SESTD1: variants seen among roughly 807,000 people sequenced by gnomAD.
The protein encoded by SESTD1 is SEC14 and spectrin domain containing 1, also known as SEC14 domain and spectrin repeat-containing protein 1.
In SESTD1, 43 loss-of-function variants were observed where a neutral mutation model predicts 101.7. The ratio of observed to expected loss-of-function variants is 0.42; its 90% CI spans 0.33 to 0.55. SESTD1 has a LOEUF of 0.55. Ranked by LOEUF, SESTD1 falls within the 20% of genes least tolerant of loss-of-function variation. The pLI is 0.07. For missense variants in SESTD1, 647 were observed against 815.1 expected (o/e 0.79, Z 2.51); for synonymous variants, 283 against 286.8 (o/e 0.99, Z 0.13).
chr2:179,171,361 C>A (rs2045927404), intron 5 of SESTD1, among the ~76,000 whole-genome samples: 1 of 152,218 alleles, frequency 6.6e-6, no homozygotes, highest in East Asian at 1.9e-4. Context: ...CAAAAATACA[C>A]TGATATTGAC....
At chr2:179,176,027 T>C (rs1029185795) in intron 4 of SESTD1, among the ~76,000 whole-genome samples, 13 of 152,144 alleles carry the variant, frequency 8.5e-5, no homozygotes, top group East Asian at 3.9e-4. Context: ...CATGCCAGAA[T>C]CACCTGAGAA....
intron 1 of SESTD1, among the ~76,000 whole-genome samples, chr2:179,261,672 C>T (rs1443183538): frequency 6.6e-6 from 1 of 151,988 alleles, no homozygotes; most frequent in Non-Finnish European, 1.5e-5. Flanking sequence ...AAATGGAACC[C>T]TCATTGCTAC....
chr2:179,197,630 C>A (rs1363653252), intron 1 of SESTD1, among the ~76,000 whole-genome samples: 1 of 152,208 alleles, frequency 6.6e-6, no homozygotes, highest in Non-Finnish European at 1.5e-5. Context: ...ACTCTACAAG[C>A]CAGAAGAGAG....
At position 179,145,955 on chromosome 2, in the gene SESTD1, TAAGA is replaced by T. The variant is rs532766674; in HGVS notation, c.637+443_637+446del. Among the ~76,000 whole-genome samples, 1,089 of 151,862 alleles carry T rather than the reference TAAGA, an allele frequency of 7.2e-3. 4 individuals carry two copies. The highest frequency in any genetic ancestry group is 0.011 in the Non-Finnish European group (772 of 67,988). ...TATAGATAATAAATTAAATCCAAAT[TAAGA>T]GAGAGATTATTATTAATTTTTAAAA... is the stretch of plus-strand genomic sequence containing the variant. On this transcript the variant is annotated intron_variant, in intron 8 of 17. Coordinates refer to ENST00000428443, the MANE Select transcript of SESTD1 (RefSeq NM_178123.5).
intron 14 of SESTD1, 133 bp from the exon 15 acceptor site, chr2:179,116,923 ATT>A: frequency 8.3e-7 from 1 of 1,211,556 alleles, no homozygotes; most frequent in Non-Finnish European, 1.1e-6. Context: ...TTAAAAGCTT[ATT>A]TCATTCAATG....
chr2:179,169,005 C>A (rs1442611406), intron 5 of SESTD1, among the ~76,000 whole-genome samples: 1 of 151,792 alleles, frequency 6.6e-6, no homozygotes, highest in African/African-American at 2.4e-5. Context: ...AATTACAAGC[C>A]AATAACGGAG....
At chr2:179,181,484 A>G (rs1357174056) in intron 3 of SESTD1, among the ~76,000 whole-genome samples, 2 of 152,176 alleles carry the variant, frequency 1.3e-5, no homozygotes, top group Non-Finnish European at 2.9e-5. Context: ...AGTAACTTTG[A>G]CAATTAGGAG....
At chr2:179,143,387 A>G (rs149212442) in intron 9 of SESTD1, among the ~76,000 whole-genome samples, 1 of 152,328 alleles carries the variant, frequency 6.6e-6, no homozygotes, top group Non-Finnish European at 1.5e-5. Flanking sequence ...CACTAAGCTG[A>G]ATGCTCAATG....
At chr2:179,110,517 A>G (rs1280471356) in intron 17 of SESTD1, among the ~76,000 whole-genome samples, 1 of 152,232 alleles carries the variant, frequency 6.6e-6, no homozygotes, top group Non-Finnish European at 1.5e-5. Flanking sequence ...GAATCACAGA[A>G]TATTTTTAGA....
chr2:179,118,484 G>A (rs758615478), intron 13 of SESTD1, among the ~76,000 whole-genome samples: 1 of 152,008 alleles, frequency 6.6e-6, no homozygotes, highest in Non-Finnish European at 1.5e-5. Context: ...ACCAGACACT[G>A]TGCTCTACTA....
intron 1 of SESTD1, among the ~76,000 whole-genome samples, chr2:179,228,525 C>T (rs2046925433): frequency 6.6e-6 from 1 of 152,120 alleles, no homozygotes; most frequent in African/African-American, 2.4e-5. Context: ...GAACTAGGGA[C>T]TCATCCTACA....
chr2:179,244,533 G>A (rs2047203262), intron 1 of SESTD1, among the ~76,000 whole-genome samples: 1 of 150,372 alleles, frequency 6.7e-6, no homozygotes, highest in Middle Eastern at 3.2e-3. Context: ...AAGTGATGAA[G>A]CAAGACTATC....
At chr2:179,134,296 A>G (rs2045086903) in intron 9 of SESTD1, among the ~76,000 whole-genome samples, 1 of 152,198 alleles carries the variant, frequency 6.6e-6, no homozygotes, top group Non-Finnish European at 1.5e-5. Flanking sequence ...ACTTAGCATT[A>G]AACTATAATA....
intron 1 of SESTD1, among the ~76,000 whole-genome samples, chr2:179,194,333 G>A (rs1032168184): frequency 5.3e-5 from 8 of 152,200 alleles, no homozygotes; most frequent in Non-Finnish European, 8.8e-5. Flanking sequence ...GCTCCAGGAC[G>A]TGGCAAATGG....
At chr2:179,157,382 T>C (rs959786306) in intron 5 of SESTD1, among the ~76,000 whole-genome samples, 1 of 152,132 alleles carries the variant, frequency 6.6e-6, no homozygotes, top group Admixed American at 6.5e-5. Context: ...AAAATTCATA[T>C]GGAACCAAAA....
At chr2:179,160,703 T>C (rs1357841908) in intron 5 of SESTD1, among the ~76,000 whole-genome samples, 1 of 152,094 alleles carries the variant, frequency 6.6e-6, no homozygotes, top group Non-Finnish European at 1.5e-5. Context: ...AAAGAGTAAA[T>C]TTTCTAAAAG....
At chr2:179,141,352 ATC>A in intron 9 of SESTD1, among the ~76,000 whole-genome samples, 1 of 152,106 alleles carries the variant, frequency 6.6e-6, no homozygotes, top group African/African-American at 2.4e-5. Context: ...ACTCATCCTA[ATC>A]CTACTCCCAT....
chr2:179,160,701 A>C (rs2045718984), intron 5 of SESTD1, among the ~76,000 whole-genome samples: 1 of 152,126 alleles, frequency 6.6e-6, no homozygotes, highest in African/African-American at 2.4e-5. Context: ...TAAAAGAGTA[A>C]ATTTTCTAAA....
Position 179,141,463 on chromosome 2 carries a change from C to G in SESTD1, c.849+2129G>C, listed in dbSNP as rs578085052. ...AAGCAAGAACCCTATTTTTACTCAT[C>G]ATGACATTGCTGAGCCTAGGACAAT... On this transcript the variant is annotated intron_variant, in intron 9 of 17. Transcript: ENST00000428443. Among the ~76,000 whole-genome samples the G allele has an allele frequency of 1.2e-4, 18 of 152,122 alleles. No individual in the cohort carries two copies. The South Asian group carries it at 3.3e-3, about 28-fold the overall frequency.
Sources: gnomAD v4.1 joint callset for allele counts (sites outside exome capture counted in the v4.1 genomes callset) on GRCh38, gnomAD v4.1.1 for gene constraint, MANE v1.5 for transcripts, NCBI Gene and HGNC (gene_info 2026-07-23, HGNC 2026-07-21) for gene names.